Variants in ACMSD observed in about 807,000 individuals in gnomAD.
ACMSD encodes the protein 2-amino-3-carboxymuconate-6-semialdehyde decarboxylase.
A neutral mutation model predicts 45.9 loss-of-function variants in ACMSD; 37 were observed. That is an observed-to-expected ratio of 0.81 (90% confidence interval 0.62 to 1.06). The LOEUF is 1.06. Among genes scored for constraint, ACMSD ranks in the 50% least tolerant of loss-of-function variants. ACMSD has a pLI of 0.00. For missense variants in ACMSD, 434 were observed against 420.9 expected (o/e 1.03, Z -0.27); for synonymous variants, 138 against 148.8 (o/e 0.93, Z 0.53).
Position 134,885,313 on chromosome 2 carries a change from A to AT in ACMSD, c.849+12673dup, listed in dbSNP as rs1302236521. 3.1e-3 allele frequency among the ~76,000 whole-genome samples: 320 copies of AT among 103,664 alleles called. 4 individuals are homozygous for AT. Among genetic ancestry groups the AT allele is most frequent in the African/African-American group, 0.013 (313 of 24,158 alleles). 68.0% of individuals were successfully genotyped at this position (103,664 alleles called of 152,430 possible). On this transcript the variant is annotated intron_variant, in intron 8 of 9. Transcript: ENST00000356140. ...TATTTATATATATATTTAAATATATATATATAAATATATATGTAAATATAT... is the reference window on the plus strand; with the variant it reads ...TATTTATATATATATTTAAATATATATTATATAAATATATATGTAAATATAT...
At chr2:134,901,424 G>A (rs187582188) in intron 9 of ACMSD, among the ~76,000 whole-genome samples, 60 of 152,302 alleles carry the variant, frequency 3.9e-4, no homozygotes, top group Admixed American at 1.1e-3. Flanking sequence ...GGGATGGCTA[G>A]ATGACTTTTG....
intron 1 of ACMSD, among the ~76,000 whole-genome samples, chr2:134,840,695 A>G (rs1003235382): frequency 7.3e-4 from 111 of 152,186 alleles, no homozygotes; most frequent in African/African-American, 2.6e-3. Flanking sequence ...ATCACCAGCT[A>G]TTGCTTTAAA....
intron 1 of ACMSD, among the ~76,000 whole-genome samples, chr2:134,842,769 T>C (rs1482456423): frequency 1.3e-5 from 2 of 152,192 alleles, no homozygotes; most frequent in African/African-American, 4.8e-5. Context: ...CTTAGCCTCA[T>C]TTCATTAACA....
At chr2:134,842,820 AAAGTC>A (rs1446975195) in intron 1 of ACMSD, among the ~76,000 whole-genome samples, 3 of 152,184 alleles carry the variant, frequency 2.0e-5, no homozygotes, top group South Asian at 2.1e-4. Flanking sequence ...TCACACCAAC[AAAGTC>A]AAGTGCCTTG....
chr2:134,845,549 CT>C (rs1175666120), intron 2 of ACMSD, among the ~76,000 whole-genome samples: 6 of 149,136 alleles, frequency 4.0e-5, no homozygotes, highest in South Asian at 2.1e-4. Context: ...CTCTCTCTCT[CT>C]CTCTCCCCTC....
intron 8 of ACMSD, among the ~76,000 whole-genome samples, chr2:134,887,792 G>A (rs1216793670): frequency 6.6e-6 from 1 of 152,142 alleles, no homozygotes; most frequent in Non-Finnish European, 1.5e-5. Flanking sequence ...TTCACAAATG[G>A]TGCTGAAGCA....
chr2:134,898,734 A>G lies in ACMSD; in HGVS notation c.948+295A>G, dbSNP rs529213422. Among the ~76,000 whole-genome samples, 3 of 152,236 alleles carry G rather than the reference A, an allele frequency of 2.0e-5. No homozygotes were observed. The South Asian group carries it at 6.2e-4, about 32-fold the overall frequency. ...AGATAGATCATAGGAAAAATGTCTA[A>G]ATTTTTTCTATATTACTTCTGTTAC... On this transcript the variant is annotated intron_variant, in intron 9 of 9. Transcript: ENST00000356140.
chr2:134,851,140 T>G (rs1687322355), intron 2 of ACMSD, among the ~76,000 whole-genome samples: 1 of 152,244 alleles, frequency 6.6e-6, no homozygotes, highest in Non-Finnish European at 1.5e-5. Context: ...TTATTTTTTA[T>G]GGCTGCATGG....
At chr2:134,892,989 G>A (rs943184954) in intron 8 of ACMSD, among the ~76,000 whole-genome samples, 1 of 152,118 alleles carries the variant, frequency 6.6e-6, no homozygotes, top group Admixed American at 6.6e-5. Flanking sequence ...GAGTGACAAT[G>A]ACAGAGAAGA....
intron 6 of ACMSD, among the ~76,000 whole-genome samples, chr2:134,870,450 G>T (rs1405070017): frequency 1.3e-5 from 2 of 151,200 alleles, no homozygotes; most frequent in African/African-American, 2.5e-5. Context: ...TGAGGAAATT[G>T]AGAGAGAGAC....
intron 8 of ACMSD, among the ~76,000 whole-genome samples, chr2:134,895,328 T>TTACATATATAATATATATATATGTTATA (rs1553516998): frequency 0.013 from 1,873 of 141,556 alleles, 47 homozygotes; most frequent in African/African-American, 0.041. Context: ...TATATATATG[T>TTACATATATAATATATATATATGTTATA]TATATATATA....
intron 8 of ACMSD, among the ~76,000 whole-genome samples, chr2:134,884,972 G>T (rs997776539): frequency 6.6e-6 from 1 of 151,538 alleles, no homozygotes; most frequent in African/African-American, 2.4e-5. Flanking sequence ...GAGGTGGGTG[G>T]ATCACTTGAG....
At chr2:134,858,712 A>G (rs945421640) in intron 2 of ACMSD, among the ~76,000 whole-genome samples, 1 of 152,056 alleles carries the variant, frequency 6.6e-6, no homozygotes, top group Non-Finnish European at 1.5e-5. Context: ...TGGAAGAAGT[A>G]GCTCAGTACC....
intron 8 of ACMSD, among the ~76,000 whole-genome samples, chr2:134,875,166 CTT>C (rs1276448298): frequency 6.6e-6 from 1 of 151,882 alleles, no homozygotes; most frequent in Admixed American, 6.6e-5. Context: ...ACACCCAACT[CTT>C]TTTTTTATTT....
chr2:134,881,041 C>A (rs1689009766), intron 8 of ACMSD, among the ~76,000 whole-genome samples: 1 of 152,184 alleles, frequency 6.6e-6, no homozygotes, highest in East Asian at 1.9e-4. Context: ...ACTCTGTCAC[C>A]CAGGCTGGAG....
chr2:134,853,167 TAA>T (rs201350282), intron 2 of ACMSD, among the ~76,000 whole-genome samples: 17 of 106,504 alleles, frequency 1.6e-4, no homozygotes, highest in Admixed American at 3.9e-4. Flanking sequence ...CATCTCAATC[TAA>T]AAAAAAAAAA....
In ACMSD at chr2:134,848,418, T is replaced by C. The variant is rs56349235; in HGVS notation, c.102+3141T>C. On this transcript the variant is annotated intron_variant, in intron 2 of 9. Coordinates refer to ENST00000356140, the MANE Select transcript of ACMSD (RefSeq NM_138326.3). Reference sequence around the variant, plus strand: ...CCAACAGTATAAAAGCATTCCTATTTCTCCACATCCTCTCCAGCATCTGTT... The same window carrying C: ...CCAACAGTATAAAAGCATTCCTATTCCTCCACATCCTCTCCAGCATCTGTT... 7.0e-3 allele frequency among the ~76,000 whole-genome samples: 1,068 copies of C among 152,310 alleles called. 15 individuals are homozygous for C. Among genetic ancestry groups the C allele is most frequent in the African/African-American group, 0.024 (993 of 41,566 alleles).
intron 2 of ACMSD, among the ~76,000 whole-genome samples, chr2:134,846,789 G>C (rs943166130): frequency 6.6e-6 from 1 of 152,138 alleles, no homozygotes; most frequent in African/African-American, 2.4e-5. Flanking sequence ...ATATGCTGGT[G>C]AACAAGATAG....
At position 134,886,256 on chromosome 2, in the gene ACMSD, T is replaced by A. The variant is rs934224052; in HGVS notation, c.850-12085T>A. ...TTCATTATTATTATTATTTTTTTTT[T>A]TTTTTTTTTTTTGGCAGAGTCTCGC... On this transcript the variant is annotated intron_variant, in intron 8 of 9. Coordinates refer to ENST00000356140, the MANE Select transcript of ACMSD (RefSeq NM_138326.3). 7.3e-4 allele frequency among the ~76,000 whole-genome samples: 103 copies of A among 140,728 alleles called. 1 individual carries two copies. Among genetic ancestry groups the A allele is most frequent in the African/African-American group, 8.0e-4 (29 of 36,306 alleles). 92.3% of individuals were successfully genotyped at this position (140,728 alleles called of 152,430 possible). A position where few individuals can be genotyped will look rare whatever the true frequency, so the allele number is the denominator to read the frequency against.
Sources: gnomAD v4.1 joint callset for allele counts (sites outside exome capture counted in the v4.1 genomes callset) on GRCh38, gnomAD v4.1.1 for gene constraint, MANE v1.5 for transcripts, NCBI Gene and HGNC (gene_info 2026-07-23, HGNC 2026-07-21) for gene names.